DNAJC10: variants seen among roughly 807,000 people sequenced by gnomAD.
The protein encoded by DNAJC10 is DnaJ heat shock protein family (Hsp40) member C10.
In DNAJC10, 101 loss-of-function variants were observed where a neutral mutation model predicts 115.0. That is an observed-to-expected ratio of 0.88 (90% CI 0.75 to 1.04). The LOEUF (loss-of-function observed/expected upper bound fraction) is 1.04, where lower values mean the gene tolerates loss of function less well. Among genes scored for constraint, DNAJC10 ranks in the 50% least tolerant of loss-of-function variants. The pLI is 0.00. For missense variants in DNAJC10, 981 were observed against 928.8 expected, an observed-to-expected ratio of 1.06 and a Z score of -0.73; for synonymous variants, 307 against 301.5, an observed-to-expected ratio of 1.02 and a Z score of -0.19.
rs1243132892 is a variant in DNAJC10 at position 182,717,079 on chromosome 2, A to G, written c.-147+7A>G. 1 of 152,272 alleles carries G rather than the reference A, an allele frequency of 6.6e-6. No homozygotes were observed. The highest frequency in any genetic ancestry group is 6.5e-5 in the Admixed American group (1 of 15,292). 9.4% of individuals were successfully genotyped at this position (152,272 alleles called of 1,614,324 possible). On this transcript the variant is annotated splice_region_variant and intron_variant, in intron 2 of 23. Coordinates refer to ENST00000264065, the MANE Select transcript of DNAJC10 (RefSeq NM_018981.4). ...AGCTGAAGACCATTCACAGGTAAAG[A>G]GAAAAATTTTTAAATATACATTTAG...
chr2:182,760,843 T>C (rs1694269479), intron 21 of DNAJC10, among the ~76,000 whole-genome samples: 1 of 152,200 alleles, frequency 6.6e-6, no homozygotes, highest in Non-Finnish European at 1.5e-5. Flanking sequence ...ATTTTTGTTA[T>C]TAGCTGGTGC....
chr2:182,741,154 G>C lies in DNAJC10; in HGVS notation c.1078-89G>C, dbSNP rs898810984. ...GTATTTTGAAATAATGGGTAGGGGAGCTAAAACTAACTTCAAGTCATAGAA... is the reference window on the plus strand; with the variant it reads ...GTATTTTGAAATAATGGGTAGGGGACCTAAAACTAACTTCAAGTCATAGAA... On this transcript the variant is annotated intron_variant, in intron 12 of 23. Coordinates refer to ENST00000264065, the MANE Select transcript of DNAJC10 (RefSeq NM_018981.4). 6 of 847,794 alleles carry C rather than the reference G, an allele frequency of 7.1e-6. No homozygotes were observed. In the Admixed American group the frequency reaches 1.8e-4, roughly 25 times the overall value. The allele number at this position is 847,794 out of a possible 1,614,324, so 52.5% of individuals were successfully genotyped here. A position where few individuals can be genotyped will look rare whatever the true frequency, so the allele number is the denominator to read the frequency against.
rs368911275 is a variant in DNAJC10 at position 182,722,146 on chromosome 2, A to G, written c.418+71A>G. On this transcript the variant is annotated intron_variant, in intron 5 of 23. Transcript: ENST00000264065. The stretch of plus-strand genomic sequence containing the variant: ...TCTCATCTAAAACTCTAGGGGATAT[A>G]TATGTTTGAAATTTAGAAATCTTTT... The G allele has an allele frequency of 4.3e-4, 456 of 1,067,426 alleles. 2 individuals carry two copies. The African/African-American group carries it at 7.0e-3, about 16-fold the overall frequency. 66.1% of individuals were successfully genotyped at this position (1,067,426 alleles called of 1,614,324 possible). A position where few individuals can be genotyped will look rare whatever the true frequency, so the allele number is the denominator to read the frequency against.
At position 182,755,049 on chromosome 2, in the gene DNAJC10, A is replaced by G. The variant is rs1694121981; in HGVS notation, c.1598A>G (p.Asn533Ser). 6.2e-7 allele frequency: 1 copy of G among 1,610,466 alleles called. No individual in the cohort carries two copies. The highest frequency in any genetic ancestry group is 2.2e-5 in the East Asian group (1 of 44,764). The change falls in exon 17 of 24, where the codon AAC becomes AGC. Residue 533 changes from asparagine (N) to serine (S), a missense_variant. By Grantham distance (46) the Asn-to-Ser change is conservative. Coordinates refer to ENST00000264065, the MANE Select transcript of DNAJC10 (RefSeq NM_018981.4). ...ACAACAGTGGTATTCAACCAGTCCA[A>G]CATTCATGAGTATGAAGGACATCAC... Reference protein sequence around the residue: ...YPTTVVFNQSNIHEYEGHHSA... With the variant: ...YPTTVVFNQSSIHEYEGHHSA...
chr2:182,757,750 G>A lies in DNAJC10; in HGVS notation c.1868G>A (p.Cys623Tyr). The A allele has an allele frequency of 6.2e-7, 1 of 1,603,944 alleles. No homozygotes were observed. Among genetic ancestry groups the A allele is most frequent in the Non-Finnish European group, 8.5e-7 (1 of 1,174,306 alleles). Residue 623 changes from cysteine to tyrosine, a missense_variant, in exon 19 of 24, where the codon TGT becomes TAT. By Grantham distance (194) the Cys-to-Tyr change is radical (BLOSUM62 -2). Transcript: ENST00000264065. Reference protein sequence around the residue: ...SIDCQQYHSFCAQENVQRYPE... With the variant: ...SIDCQQYHSFYAQENVQRYPE... ...GATTGCCAACAGTATCATTCTTTTT[G>A]TGCCCAGGAAAACGTTCAAAGATAC...
chr2:182,770,900 A>G (rs925472552), intron 22 of DNAJC10, among the ~76,000 whole-genome samples: 2 of 152,196 alleles, frequency 1.3e-5, no homozygotes, highest in Non-Finnish European at 2.9e-5. Context: ...TTCAAAGGGA[A>G]TGCTTCCAGT....
At position 182,718,176 on chromosome 2, in the gene DNAJC10, G is replaced by T. The variant is rs1481178277; in HGVS notation, c.90G>T (p.Val30=). ...CFLIVYMAIL[V]GTDQDFYSLL... ...TGATAGTGTATATGGCCATTTTAGT[G>T]GGCACAGATCAGGATTTTTACAGTT... The change falls in exon 3 of 24, where the codon GTG becomes GTT. Residue 30 remains valine (V), a synonymous_variant. Transcript: ENST00000264065. 6.2e-7 allele frequency: 1 copy of T among 1,613,506 alleles called. No homozygotes were observed. Among genetic ancestry groups the T allele is most frequent in the Non-Finnish European group, 8.5e-7 (1 of 1,179,738 alleles).
Position 182,783,439 on chromosome 2 carries a change from A to G in DNAJC10, c.*6307A>G, listed in dbSNP as rs552170136. ...GGCAAAAAATACATATACACACACA[A>G]AAAAAATATTTCAGCAGCCACTGCC... On this transcript the variant is annotated 3_prime_UTR_variant, in exon 24 of 24. Coordinates refer to ENST00000264065, the MANE Select transcript of DNAJC10 (RefSeq NM_018981.4). 6.6e-6 allele frequency: 1 copy of G among 152,088 alleles called. No individual in the cohort carries two copies. Among genetic ancestry groups the G allele is most frequent in the Non-Finnish European group, 1.5e-5 (1 of 68,000 alleles). 9.4% of individuals were successfully genotyped at this position (152,088 alleles called of 1,614,324 possible). A position where few individuals can be genotyped will look rare whatever the true frequency, so the allele number is the denominator to read the frequency against.
intron 5 of DNAJC10, among the ~76,000 whole-genome samples, chr2:182,723,437 C>T (rs1693205681): frequency 6.6e-6 from 1 of 152,184 alleles, no homozygotes; most frequent in Non-Finnish European, 1.5e-5. Flanking sequence ...TAAAAGCCTT[C>T]TAGGTGAACA....
intron 21 of DNAJC10, among the ~76,000 whole-genome samples, chr2:182,761,468 G>C (rs1694283128): frequency 1.3e-5 from 2 of 152,134 alleles, no homozygotes; most frequent in African/African-American, 4.8e-5. Context: ...CTGCCTTGGG[G>C]ACGAAACTAG....
intron 14 of DNAJC10, among the ~76,000 whole-genome samples, chr2:182,744,131 T>G (rs1369014656): frequency 6.6e-6 from 1 of 152,262 alleles, no homozygotes; most frequent in Non-Finnish European, 1.5e-5. Flanking sequence ...CTTTCTTGCA[T>G]TTATAATTTT....
chr2:182,722,595 A>G (rs1693180152), intron 5 of DNAJC10, among the ~76,000 whole-genome samples: 1 of 152,154 alleles, frequency 6.6e-6, no homozygotes, highest in Admixed American at 6.5e-5. Flanking sequence ...TTAAACTTCA[A>G]ATCAAATTTC....
intron 22 of DNAJC10, 65 bp downstream of exon 22, chr2:182,762,866 T>A: frequency 6.6e-7 from 1 of 1,505,856 alleles, no homozygotes. Context: ...TGTTTCAGTC[T>A]GAGTAATGTT....
chr2:182,754,880 C>T, intron 16 of DNAJC10, 123 bp from the exon 17 acceptor site: 1 of 1,297,906 alleles, frequency 7.7e-7, no homozygotes, highest in Non-Finnish European at 1.0e-6. Context: ...ATTTTTGTCA[C>T]CAGAAATTTA....
At chr2:182,751,847 G>C in intron 15 of DNAJC10, 62 bp downstream of exon 15, 1 of 1,571,660 alleles carries the variant, frequency 6.4e-7, no homozygotes, top group Non-Finnish European at 8.6e-7. Flanking sequence ...ATGGCAAAAA[G>C]ACATTTTCTA....
chr2:182,762,772 G>T lies in DNAJC10; in HGVS notation c.2236G>T (p.Val746Phe), dbSNP rs1390904836. The change falls in exon 22 of 24, where the codon GTT becomes TTT. Residue 746 changes from valine (V) to phenylalanine (F), a missense_variant. Val to Phe is a conservative substitution (Grantham distance 50). Transcript: ENST00000264065. ...QKAGIRAYPTVKFYFYERAKR... is the reference protein window; with the variant it reads ...QKAGIRAYPTFKFYFYERAKR... ...AGCTGGGATCAGGGCCTATCCAACT[G>T]TTAAATTTTATTTCTACGAAAGAGC... The T allele has an allele frequency of 6.2e-7, 1 of 1,612,438 alleles. No homozygotes were observed. Among genetic ancestry groups the T allele is most frequent in the East Asian group, 2.2e-5 (1 of 44,800 alleles).
In DNAJC10 at chr2:182,755,042, C is replaced by T; in HGVS notation, c.1591C>T (p.Gln531Ter). The change falls in exon 17 of 24, where the codon CAG becomes TAG. Residue 531 changes from glutamine (Q) to a stop codon, truncating the protein, a stop_gained. Coordinates refer to ENST00000264065, the MANE Select transcript of DNAJC10 (RefSeq NM_018981.4). LOFTEE classifies it high-confidence loss of function. ...QAYPTTVVFN[Q>*]SNIHEYEGHH... ...TTATCCAACAACAGTGGTATTCAAC[C>T]AGTCCAACATTCATGAGTATGAAGG... The T allele has an allele frequency of 6.2e-7, 1 of 1,609,606 alleles. No individual in the cohort carries two copies.
At chr2:182,774,892 A>C (rs1171526918) in intron 22 of DNAJC10, among the ~76,000 whole-genome samples, 1 of 152,212 alleles carries the variant, frequency 6.6e-6, no homozygotes, top group East Asian at 1.9e-4. Context: ...TCCCAATGAG[A>C]AGAACCAGAT....
intron 14 of DNAJC10, among the ~76,000 whole-genome samples, chr2:182,747,569 A>C (rs898688612): frequency 6.6e-6 from 1 of 151,988 alleles, no homozygotes; most frequent in African/African-American, 2.4e-5. Flanking sequence ...TGATTTTTGC[A>C]CATTGATTTT....
Sources: allele counts gnomAD v4.1 joint callset (sites outside exome capture counted in the v4.1 genomes callset), GRCh38; gene constraint gnomAD v4.1.1; transcripts MANE v1.5; gene names NCBI Gene and HGNC (gene_info 2026-07-23, HGNC 2026-07-21).